NKAIN3: variants seen among roughly 807,000 people sequenced by gnomAD.
The protein encoded by NKAIN3 is sodium/potassium transporting ATPase interacting 3, also known as sodium/potassium-transporting ATPase subunit beta-1-interacting protein 3.
NKAIN3 carries 25 observed loss-of-function variants against 30.2 expected under a neutral mutation model. The observed-to-expected ratio is 0.83, with a 90% confidence interval of 0.60 to 1.16. The LOEUF is 1.16. NKAIN3 is among the 50% of genes most tolerant of loss of function. The pLI, the probability that NKAIN3 is intolerant of heterozygous loss-of-function variation, is 0.00. For synonymous variants in NKAIN3, 91 were observed against 89.6 expected, an observed-to-expected ratio of 1.02 and a Z score of -0.09; for missense variants, 225 against 254.1, an observed-to-expected ratio of 0.89 and a Z score of 0.78.
intron 1 of NKAIN3, among the ~76,000 whole-genome samples, chr8:62,290,021 A>C (rs1813532648): frequency 6.6e-6 from 1 of 152,190 alleles, no homozygotes; most frequent in South Asian, 2.1e-4. Context: ...ATGGGAGTTC[A>C]CTCATGATTT....
intron 1 of NKAIN3, among the ~76,000 whole-genome samples, chr8:62,475,693 C>G (rs62511488): frequency 6.6e-6 from 1 of 152,176 alleles, no homozygotes; most frequent in Admixed American, 6.6e-5. Flanking sequence ...ACAAGTGATT[C>G]TGGAGAATAC....
intron 1 of NKAIN3, among the ~76,000 whole-genome samples, chr8:62,294,425 A>G (rs553170946): frequency 2.6e-5 from 4 of 152,118 alleles, no homozygotes; most frequent in Admixed American, 6.5e-5. Flanking sequence ...GATGGAGAGT[A>G]TCTTTCCCTC....
At chr8:62,723,648 C>T (rs1815165109) in intron 3 of NKAIN3, among the ~76,000 whole-genome samples, 1 of 152,004 alleles carries the variant, frequency 6.6e-6, no homozygotes, top group South Asian at 2.1e-4. Context: ...TCAGATACAG[C>T]AATAACACAC....
chr8:62,757,502 G>A (rs773222257), intron 4 of NKAIN3, among the ~76,000 whole-genome samples: 1 of 152,130 alleles, frequency 6.6e-6, no homozygotes, highest in Non-Finnish European at 1.5e-5. Flanking sequence ...TTGAATTGAC[G>A]TGGTCCTTCC....
intron 4 of NKAIN3, among the ~76,000 whole-genome samples, chr8:62,895,985 C>CT (rs59333584): frequency 0.76 from 114,800 of 150,636 alleles, 44,622 homozygotes; most frequent in East Asian, 0.93. Flanking sequence ...TAGATCCTGG[C>CT]TTTTTTTTTC....
At chr8:62,391,071 A>G (rs9643538) in intron 1 of NKAIN3, among the ~76,000 whole-genome samples, 64,742 of 151,960 alleles carry the variant, frequency 0.43, 15,835 homozygotes, top group Non-Finnish European at 0.54. Flanking sequence ...TCAATTTTTA[A>G]TTTTGTTGCA....
chr8:62,902,893 G>A (rs1821655820), intron 4 of NKAIN3, among the ~76,000 whole-genome samples: 1 of 152,182 alleles, frequency 6.6e-6, no homozygotes, highest in African/African-American at 2.4e-5. Flanking sequence ...ATTCCTTAAT[G>A]ACTTGCTACC....
intron 1 of NKAIN3, among the ~76,000 whole-genome samples, chr8:62,575,480 G>A (rs1317492557): frequency 6.6e-6 from 1 of 151,976 alleles, no homozygotes; most frequent in Non-Finnish European, 1.5e-5. Flanking sequence ...CCAAAAAATG[G>A]AAAGATATTC....
chr8:62,643,849 T>C (rs1362768291), intron 3 of NKAIN3, among the ~76,000 whole-genome samples: 1 of 152,142 alleles, frequency 6.6e-6, no homozygotes, highest in African/African-American at 2.4e-5. Context: ...GTTGGATCTC[T>C]TGATGTTTTA....
At chr8:62,704,141 C>A (rs999237222) in intron 3 of NKAIN3, among the ~76,000 whole-genome samples, 1 of 152,134 alleles carries the variant, frequency 6.6e-6, no homozygotes, top group Non-Finnish European at 1.5e-5. Context: ...CCCATCTTCC[C>A]TGGTTGAATG....
chr8:62,715,694 G>A (rs1246338656), intron 3 of NKAIN3, among the ~76,000 whole-genome samples: 1 of 152,204 alleles, frequency 6.6e-6, no homozygotes, highest in African/African-American at 2.4e-5. Flanking sequence ...TTGTGACAAT[G>A]TCAAGAAGAA....
chr8:62,847,048 C>A (rs1269531272), intron 4 of NKAIN3, among the ~76,000 whole-genome samples: 2 of 152,120 alleles, frequency 1.3e-5, no homozygotes, highest in Non-Finnish European at 2.9e-5. Flanking sequence ...GGGATTATTA[C>A]AATTCAAGGT....
chr8:62,347,202 A>G (rs1302539208), intron 1 of NKAIN3, among the ~76,000 whole-genome samples: 2 of 152,144 alleles, frequency 1.3e-5, no homozygotes, highest in Non-Finnish European at 2.9e-5. Flanking sequence ...TATGTGCTGC[A>G]TAACTTAAAA....
intron 3 of NKAIN3, among the ~76,000 whole-genome samples, chr8:62,729,052 A>AAAAAAAAC (rs1815382295): frequency 7.2e-6 from 1 of 138,384 alleles, no homozygotes; most frequent in Non-Finnish European, 1.5e-5. Context: ...AAAAAAAAAA[A>AAAAAAAAC]CCTCCTGCTC....
chr8:62,529,095 G>A (rs1356946465), intron 1 of NKAIN3, among the ~76,000 whole-genome samples: 2 of 152,058 alleles, frequency 1.3e-5, no homozygotes, highest in Non-Finnish European at 2.9e-5. Context: ...ATGAGGTATA[G>A]GTACAGAACA....
intron 1 of NKAIN3, among the ~76,000 whole-genome samples, chr8:62,343,999 G>A (rs187787414): frequency 6.6e-5 from 10 of 152,144 alleles, no homozygotes; most frequent in Admixed American, 5.2e-4. Context: ...TAACATTAGA[G>A]AATTATGCAA....
At position 62,306,118 on chromosome 8, in the gene NKAIN3, G is replaced by C. The variant is rs1012895617; in HGVS notation, c.54+56991G>C. On this transcript the variant is annotated intron_variant, in intron 1 of 6. Transcript: ENST00000623646. ...TAGTTGTACACCATTTGTGTTAATA[G>C]AGTTAGTTTATACCTGCCATTAATT... is the stretch of plus-strand genomic sequence containing the variant. Among the ~76,000 whole-genome samples the C allele has an allele frequency of 4.0e-5, 6 of 150,660 alleles. No homozygotes were observed. In the East Asian group the frequency reaches 1.2e-3, roughly 29 times the overall value.
At chr8:62,717,591 A>G (rs1057209611) in intron 3 of NKAIN3, among the ~76,000 whole-genome samples, 1 of 152,206 alleles carries the variant, frequency 6.6e-6, no homozygotes, top group Admixed American at 6.5e-5. Flanking sequence ...GGTCAAATTA[A>G]TGTTTAAAAG....
At chr8:62,855,199 G>T in intron 4 of NKAIN3, 1 of 330,986 alleles carries the variant, frequency 3.0e-6, no homozygotes, top group Non-Finnish European at 5.8e-6. Context: ...AACTTCTATT[G>T]GGCAGACTCT....
Sources: gnomAD v4.1 joint callset for allele counts (sites outside exome capture counted in the v4.1 genomes callset) on GRCh38, gnomAD v4.1.1 for gene constraint, MANE v1.5 for transcripts, NCBI Gene and HGNC (gene_info 2026-07-23, HGNC 2026-07-21) for gene names.